KHDRBS2: variants seen among roughly 807,000 people sequenced by gnomAD.
The protein encoded by KHDRBS2 is KH RNA binding domain containing, signal transduction associated 2, also known as KH domain-containing, RNA-binding, signal transduction-associated protein 2.
In KHDRBS2, 26 loss-of-function variants were observed where a neutral mutation model predicts 44.3. That is an observed-to-expected ratio of 0.59 (90% CI 0.43 to 0.81). The LOEUF (loss-of-function observed/expected upper bound fraction) is 0.81. Ranked by LOEUF, KHDRBS2 falls within the 40% of genes least tolerant of loss-of-function variation. The pLI is 0.00. For missense variants in KHDRBS2, 476 were observed against 433.1 expected (o/e 1.10, Z -0.88); for synonymous variants, 194 against 151.1 (o/e 1.28, Z -2.08).
At chr6:61,688,899 C>T (rs1450686619) in intron 8 of KHDRBS2, among the ~76,000 whole-genome samples, 1 of 151,766 alleles carries the variant, frequency 6.6e-6, no homozygotes, top group Non-Finnish European at 1.5e-5. Context: ...ATGGTGAGCC[C>T]CTTCAACCAC....
chr6:61,587,952 C>T, the KHDRBS2 span, among the ~76,000 whole-genome samples: 159 of 152,258 alleles, frequency 1.0e-3, no homozygotes, highest in African/African-American at 3.7e-3. Flanking sequence ...TAAGAAACAG[C>T]ATTTTCAGGC....
At chr6:61,917,028 A>G (rs913406357) in intron 4 of KHDRBS2, among the ~76,000 whole-genome samples, 3 of 138,264 alleles carry the variant, frequency 2.2e-5, no homozygotes, top group Non-Finnish European at 4.6e-5. Flanking sequence ...ACTTAGAACC[A>G]CAGTTTGACA....
At chr6:62,086,327 C>T (rs2127359404) in intron 2 of KHDRBS2, among the ~76,000 whole-genome samples, 1 of 151,996 alleles carries the variant, frequency 6.6e-6, no homozygotes, top group Admixed American at 6.6e-5. Flanking sequence ...GACTCAAAGG[C>T]TGAAAAAACA....
chr6:61,962,336 G>A (rs1044010068), intron 4 of KHDRBS2, among the ~76,000 whole-genome samples: 4 of 152,024 alleles, frequency 2.6e-5, no homozygotes, highest in Non-Finnish European at 5.9e-5. Context: ...ATAACTGTGG[G>A]CACAACCAAT....
At chr6:62,137,293 GC>G (rs2150095089) in intron 2 of KHDRBS2, among the ~76,000 whole-genome samples, 1 of 152,174 alleles carries the variant, frequency 6.6e-6, no homozygotes, top group South Asian at 2.1e-4. Context: ...GAGCCACCGC[GC>G]CCAGCTCAGC....
the KHDRBS2 span, among the ~76,000 whole-genome samples, chr6:61,643,671 C>G: frequency 1.3e-5 from 2 of 151,940 alleles, no homozygotes; most frequent in African/African-American, 4.8e-5. Context: ...AGCAGCCATG[C>G]CAAAGCCAAA....
At chr6:62,003,421 A>G (rs563352614) in intron 3 of KHDRBS2, among the ~76,000 whole-genome samples, 1 of 152,272 alleles carries the variant, frequency 6.6e-6, no homozygotes, top group East Asian at 1.9e-4. Flanking sequence ...ATTTCTTGAG[A>G]GGAGAACATC....
intron 2 of KHDRBS2, among the ~76,000 whole-genome samples, chr6:62,112,837 A>G (rs1352534397): frequency 6.6e-6 from 1 of 152,130 alleles, no homozygotes; most frequent in Non-Finnish European, 1.5e-5. Flanking sequence ...TGGTGCATCA[A>G]AATTATCTTT....
At chr6:61,706,578 C>G (rs945649727) in intron 7 of KHDRBS2, among the ~76,000 whole-genome samples, 5 of 151,622 alleles carry the variant, frequency 3.3e-5, no homozygotes, top group Admixed American at 2.6e-4. Flanking sequence ...GGATTGAGGA[C>G]CAAAGCCTTT....
intron 6 of KHDRBS2, among the ~76,000 whole-genome samples, chr6:61,770,802 C>A (rs1305261118): frequency 3.9e-5 from 6 of 152,132 alleles, no homozygotes; most frequent in African/African-American, 1.4e-4. Flanking sequence ...TCTAGCAAGG[C>A]AGGCCAACAT....
the KHDRBS2 span, among the ~76,000 whole-genome samples, chr6:61,605,107 C>T: frequency 6.6e-6 from 1 of 152,142 alleles, no homozygotes; most frequent in African/African-American, 2.4e-5. Context: ...ACCACTTGCC[C>T]TTCTGCGAAT....
At chr6:61,585,698 C>T in the KHDRBS2 span, among the ~76,000 whole-genome samples, 567 of 151,970 alleles carry the variant, frequency 3.7e-3, 1 homozygote, top group Non-Finnish European at 6.5e-3. Flanking sequence ...CTGTTTTTGC[C>T]CACTCAGCAT....
chr6:61,941,698 T>C (rs1812161269), intron 4 of KHDRBS2, among the ~76,000 whole-genome samples: 1 of 152,042 alleles, frequency 6.6e-6, no homozygotes, highest in Admixed American at 6.6e-5. Flanking sequence ...CATTACTGCA[T>C]GGACACAGAA....
intron 7 of KHDRBS2, among the ~76,000 whole-genome samples, chr6:61,716,431 G>A (rs1455606942): frequency 6.6e-6 from 1 of 151,964 alleles, no homozygotes; most frequent in African/African-American, 2.4e-5. Context: ...CCTGAGCATA[G>A]TAAAAATGGT....
At chr6:62,045,908 A>C (rs566239192) in intron 3 of KHDRBS2, among the ~76,000 whole-genome samples, 51 of 150,618 alleles carry the variant, frequency 3.4e-4, no homozygotes, top group African/African-American at 1.1e-3. Context: ...CCAATACTTG[A>C]GAAAGTTAAG....
At chr6:62,063,580 C>T (rs1309734517) in intron 2 of KHDRBS2, among the ~76,000 whole-genome samples, 2 of 151,516 alleles carry the variant, frequency 1.3e-5, no homozygotes, top group African/African-American at 4.8e-5. Context: ...AATTCAACAA[C>T]CCTTCATGAT....
chr6:62,155,342 T>C (rs1816121066), intron 2 of KHDRBS2, among the ~76,000 whole-genome samples: 1 of 152,238 alleles, frequency 6.6e-6, no homozygotes, highest in Non-Finnish European at 1.5e-5. Context: ...GTGTTGAGTT[T>C]GAGCCATCTT....
intron 2 of KHDRBS2, among the ~76,000 whole-genome samples, chr6:62,055,438 T>C (rs758317721): frequency 1.1e-4 from 16 of 152,000 alleles, no homozygotes; most frequent in Admixed American, 8.5e-4. Context: ...ACATCAAGCA[T>C]TGGCCAGAGT....
chr6:61,943,414 G>A (rs1287607354), intron 4 of KHDRBS2, among the ~76,000 whole-genome samples: 1 of 151,080 alleles, frequency 6.6e-6, no homozygotes, highest in Non-Finnish European at 1.5e-5. Flanking sequence ...AGAAAAAAAG[G>A]AACAAAGACT....
Sources: allele counts gnomAD v4.1 joint callset (sites outside exome capture counted in the v4.1 genomes callset), GRCh38; gene constraint gnomAD v4.1.1; transcripts MANE v1.5; gene names NCBI Gene and HGNC (gene_info 2026-07-23, HGNC 2026-07-21).